Variants in PIBF1 observed in about 807,000 individuals in gnomAD.
PIBF1 encodes progesterone-induced-blocking factor 1.
A neutral mutation model predicts 112.5 loss-of-function variants in PIBF1; 90 were observed. That is an observed-to-expected ratio of 0.80 (90% CI 0.67 to 0.95). The LOEUF (loss-of-function observed/expected upper bound fraction) is 0.95. Ranked by LOEUF, PIBF1 falls within the 40% of genes least tolerant of loss-of-function variation. The probability of loss-of-function intolerance (pLI) is 0.00; values close to 1 mark genes in which losing one functional copy is unlikely to be tolerated. For synonymous variants in PIBF1, 301 were observed against 288.6 expected (o/e 1.04, Z -0.44); for missense variants, 915 against 852.3 (o/e 1.07, Z -0.92).
At chr13:73,013,731 CAAAAAAAAAAAAA>C (rs113104076) in intron 17 of PIBF1, among the ~76,000 whole-genome samples, 10 of 113,080 alleles carry the variant, frequency 8.8e-5, no homozygotes, top group African/African-American at 1.7e-4. Flanking sequence ...GAGCCTATCT[CAAAAAAAAAAAAA>C]AAAAAAAAAG....
chr13:72,986,449 A>T (rs1474489461), intron 16 of PIBF1, among the ~76,000 whole-genome samples: 1 of 152,178 alleles, frequency 6.6e-6, no homozygotes, highest in African/African-American at 2.4e-5. Context: ...ATTTTAATTC[A>T]GGAACCTACT....
chr13:72,799,292 G>A (rs2035349498), intron 5 of PIBF1, among the ~76,000 whole-genome samples: 1 of 152,148 alleles, frequency 6.6e-6, no homozygotes, highest in African/African-American at 2.4e-5. Context: ...ATATTATCCA[G>A]AAATAAATAA....
At chr13:72,853,943 T>C in intron 9 of PIBF1, 114 bp from the exon 10 acceptor site, 1 of 754,420 alleles carries the variant, frequency 1.3e-6, no homozygotes, top group South Asian at 1.7e-5. Flanking sequence ...AGTGTACACT[T>C]TGGGTCCCCA....
chr13:72,977,547 T>G (rs935851154), intron 16 of PIBF1, among the ~76,000 whole-genome samples: 15 of 152,218 alleles, frequency 9.9e-5, no homozygotes, highest in Middle Eastern at 3.2e-3. Context: ...TAGTTCTGAT[T>G]AGGCTGTATG....
chr13:72,860,360 G>A (rs1316204548), intron 10 of PIBF1, among the ~76,000 whole-genome samples: 25 of 151,230 alleles, frequency 1.7e-4, no homozygotes, highest in African/African-American at 5.3e-4. Context: ...TGTGACAGTA[G>A]AGAGACAGAG....
In PIBF1 at chr13:72,792,503, A is replaced by C. The variant is rs758684015; in HGVS notation, c.309A>C (p.Thr103=). The C allele has an allele frequency of 4.4e-6, 7 of 1,576,750 alleles. No homozygotes were observed. The highest frequency in any genetic ancestry group is 1.7e-4 in the Middle Eastern group (1 of 5,964). Reference sequence around the variant, plus strand: ...CACTTCACCAGAAGCAGCTACTAACATTGAGATTAGACAACCAATTGGCTT... The same window carrying C: ...CACTTCACCAGAAGCAGCTACTAACCTTGAGATTAGACAACCAATTGGCTT... ...NDALHQKQLL[T]LRLDNQLAFQ... is the part of the protein sequence containing the mutation. Residue 103 remains threonine, a synonymous_variant, in exon 3 of 18, where the codon ACA becomes ACC. Transcript: ENST00000326291.
At chr13:72,840,381 T>C (rs1347364008) in intron 9 of PIBF1, among the ~76,000 whole-genome samples, 1 of 152,186 alleles carries the variant, frequency 6.6e-6, no homozygotes, top group Non-Finnish European at 1.5e-5. Context: ...TTTAGGTAAA[T>C]TAATCTTTTG....
chr13:72,989,815 T>C (rs9543188), intron 16 of PIBF1, among the ~76,000 whole-genome samples: 16,767 of 152,212 alleles, frequency 0.11, 1,267 homozygotes, highest in Non-Finnish European at 0.17. Context: ...AAGAAAATAT[T>C]GACAAAATGT....
intron 12 of PIBF1, among the ~76,000 whole-genome samples, chr13:72,909,034 A>G (rs1048590264): frequency 1.3e-5 from 2 of 152,090 alleles, no homozygotes; most frequent in Non-Finnish European, 2.9e-5. Context: ...GCAACAGAGT[A>G]ATACTGTCTC....
intron 17 of PIBF1, among the ~76,000 whole-genome samples, chr13:73,008,142 C>G (rs989278167): frequency 6.6e-6 from 1 of 152,116 alleles, no homozygotes; most frequent in African/African-American, 2.4e-5. Context: ...ATGTAATTAA[C>G]AGAGAACCTG....
intron 14 of PIBF1, among the ~76,000 whole-genome samples, chr13:72,938,987 G>A (rs1351805709): frequency 6.6e-6 from 1 of 152,046 alleles, no homozygotes; most frequent in African/African-American, 2.4e-5. Flanking sequence ...ATGTCTGTTC[G>A]AGTCATTTGC....
At chr13:73,002,293 G>A (rs2043895679) in intron 17 of PIBF1, among the ~76,000 whole-genome samples, 1 of 152,158 alleles carries the variant, frequency 6.6e-6, no homozygotes, top group African/African-American at 2.4e-5. Context: ...AAACTACAGG[G>A]AGAATGAAAG....
intron 2 of PIBF1, among the ~76,000 whole-genome samples, chr13:72,785,408 T>C (rs779013498): frequency 2.0e-5 from 3 of 152,204 alleles, no homozygotes; most frequent in Non-Finnish European, 2.9e-5. Context: ...AGTGCCCAGC[T>C]ATTTCTTAAA....
intron 14 of PIBF1, among the ~76,000 whole-genome samples, chr13:72,961,061 A>G (rs117333122): frequency 0.12 from 17,820 of 145,934 alleles, 1,407 homozygotes; most frequent in Non-Finnish European, 0.17. Flanking sequence ...TTTTTTTTGA[A>G]GATTTTTTTT....
intron 14 of PIBF1, among the ~76,000 whole-genome samples, chr13:72,938,643 T>G (rs145488366): frequency 6.6e-6 from 1 of 152,312 alleles, no homozygotes; most frequent in East Asian, 1.9e-4. Context: ...CTGTGAACAT[T>G]TCATGTTCAA....
intron 5 of PIBF1, among the ~76,000 whole-genome samples, chr13:72,811,478 C>T (rs767166922): frequency 9.9e-5 from 15 of 151,752 alleles, no homozygotes; most frequent in Non-Finnish European, 2.1e-4. Context: ...CACCTGTAAT[C>T]CCAGCTACTT....
At chr13:72,902,471 G>T (rs370062208) in intron 11 of PIBF1, among the ~76,000 whole-genome samples, 1 of 151,086 alleles carries the variant, frequency 6.6e-6, no homozygotes, top group Non-Finnish European at 1.5e-5. Context: ...CTCTGCATCA[G>T]TAGGCAATAT....
At chr13:72,890,430 A>G (rs375715548) in intron 10 of PIBF1, among the ~76,000 whole-genome samples, 18 of 152,274 alleles carry the variant, frequency 1.2e-4, no homozygotes, top group East Asian at 5.8e-4. Context: ...ATTCCTTCAG[A>G]GCAAACCATC....
chr13:72,795,441 A>G lies in PIBF1; in HGVS notation c.436A>G (p.Arg146Gly). 6.2e-7 allele frequency: 1 copy of G among 1,609,474 alleles called. No homozygotes were observed. The highest frequency in any genetic ancestry group is 1.1e-5 in the South Asian group (1 of 89,926). Residue 146 changes from arginine (R) to glycine (G), a missense_variant, in exon 4 of 18, where the codon AGA (arginine) becomes GGA (glycine). By Grantham distance (125) the Arg-to-Gly change is moderately radical (BLOSUM62 -2). Transcript: ENST00000326291. ...KQLEETNLQL[R>G]EKAGDVRRNL... ...ACTAGAAGAGACAAATCTTCAGCTA[A>G]GAGAAAAAGCTGGAGATGTTCGTCG...
Sources: gnomAD v4.1 joint callset for allele counts (sites outside exome capture counted in the v4.1 genomes callset) on GRCh38, gnomAD v4.1.1 for gene constraint, MANE v1.5 for transcripts, NCBI Gene and HGNC (gene_info 2026-07-23, HGNC 2026-07-21) for gene names.